The following CPS1 variants were observed in gnomAD, a reference collection of about 807,000 sequenced individuals.
The protein encoded by CPS1 is carbamoyl-phosphate synthase [ammonia], mitochondrial.
In CPS1, 109 loss-of-function variants were observed where a neutral mutation model predicts 174.6. The observed-to-expected ratio is 0.62, with a 90% CI of 0.53 to 0.73. The LOEUF is 0.73. CPS1 is among the 30% of genes least tolerant of loss of function. The probability of loss-of-function intolerance (pLI) is 0.00; values close to 1 mark genes in which losing one functional copy is unlikely to be tolerated. For missense variants in CPS1, 1,689 were observed against 1,821.9 expected, an observed-to-expected ratio of 0.93 and a Z score of 1.33; for synonymous variants, 637 against 632.0, an observed-to-expected ratio of 1.01 and a Z score of -0.12.
intron 7 of CPS1, among the ~76,000 whole-genome samples, chr2:210,588,729 T>A (rs1698190055): frequency 6.6e-6 from 1 of 152,120 alleles, no homozygotes; most frequent in Middle Eastern, 3.4e-3. Context: ...CTCCCCTCCA[T>A]ACACATACAC....
chr2:210,481,919 C>G (rs1694579661), intron 1 of CPS1, among the ~76,000 whole-genome samples: 1 of 152,224 alleles, frequency 6.6e-6, no homozygotes, highest in Non-Finnish European at 1.5e-5. Flanking sequence ...CTTGAACTGA[C>G]CATGCTACTG....
At chr2:210,605,056 C>T in intron 16 of CPS1, 46 bp from the exon 17 acceptor site, 1 of 1,608,536 alleles carries the variant, frequency 6.2e-7, no homozygotes. Flanking sequence ...TTGTTGAAGC[C>T]AGTGCTTTTT....
chr2:210,634,462 A>G (rs569145831), intron 21 of CPS1, among the ~76,000 whole-genome samples: 7 of 152,184 alleles, frequency 4.6e-5, no homozygotes, highest in African/African-American at 1.7e-4. Flanking sequence ...TCTACTTTCA[A>G]AATTAATTTC....
chr2:210,604,217 T>A (rs6721139), intron 16 of CPS1, among the ~76,000 whole-genome samples: 3,221 of 151,900 alleles, frequency 0.021, 100 homozygotes, highest in Middle Eastern at 0.068. Flanking sequence ...GACTGAAGTT[T>A]AAAAAAATCC....
intron 19 of CPS1, among the ~76,000 whole-genome samples, chr2:210,610,062 G>A (rs1052680196): frequency 6.6e-6 from 1 of 151,842 alleles, no homozygotes; most frequent in South Asian, 2.1e-4. Flanking sequence ...CATTATAGTT[G>A]TTTTAAATCT....
intron 33 of CPS1, among the ~76,000 whole-genome samples, chr2:210,663,399 G>C (rs1223909380): frequency 1.3e-5 from 2 of 152,056 alleles, no homozygotes; most frequent in Non-Finnish European, 2.9e-5. Flanking sequence ...TTTAACATGG[G>C]AATATAATAC....
chr2:210,637,648 G>T (rs541956658), intron 21 of CPS1, 54 bp from the exon 22 acceptor site: 9 of 1,594,660 alleles, frequency 5.6e-6, no homozygotes, highest in Non-Finnish European at 4.3e-6. Flanking sequence ...ACTTGTCACC[G>T]CTTTTTATTG....
At chr2:210,489,778 C>T (rs1694820987) in intron 1 of CPS1, among the ~76,000 whole-genome samples, 1 of 151,674 alleles carries the variant, frequency 6.6e-6, no homozygotes, top group African/African-American at 2.4e-5. Context: ...GCAGGCAGAT[C>T]ACGAGGTCAG....
chr2:210,607,745 G>T (rs1698968930), intron 18 of CPS1, among the ~76,000 whole-genome samples: 1 of 151,736 alleles, frequency 6.6e-6, no homozygotes, highest in Non-Finnish European at 1.5e-5. Flanking sequence ...TTGTACTAAA[G>T]AACTCATTTT....
intron 1 of CPS1, among the ~76,000 whole-genome samples, chr2:210,497,668 A>G (rs1289075453): frequency 2.0e-5 from 3 of 151,868 alleles, no homozygotes. Context: ...TCCTGCATTA[A>G]TTCGCTTAGG....
intron 21 of CPS1, chr2:210,617,639 T>TAAAC (rs1699356629): frequency 6.6e-6 from 1 of 152,046 alleles, no homozygotes; most frequent in Non-Finnish European, 1.5e-5. Context: ...ATTGCCCATG[T>TAAAC]CAAATGCTTG....
chr2:210,587,246 T>G (rs1698140364), intron 6 of CPS1, among the ~76,000 whole-genome samples: 1 of 152,088 alleles, frequency 6.6e-6, no homozygotes, highest in Admixed American at 6.6e-5. Flanking sequence ...GTTTGTACTT[T>G]TCATCTGAAA....
At chr2:210,581,550 TC>T (rs1697923761) in intron 5 of CPS1, among the ~76,000 whole-genome samples, 2 of 152,140 alleles carry the variant, frequency 1.3e-5, no homozygotes, top group Admixed American at 1.3e-4. Flanking sequence ...AAACCAATTT[TC>T]AAAATTAGGG....
At position 210,576,390 on chromosome 2, in the gene CPS1, T is replaced by G. The variant is rs1697713175; in HGVS notation, c.281T>G (p.Leu94Arg). The part of the protein sequence containing the change: ...ITDPAYKGQI[L>R]TMANPIIGNG... ...GACCCTGCCTACAAAGGACAGATTC[T>G]CACAATGGCCAACCCTATTATTGGG... The change falls in exon 3 of 38, where the codon CTC (leucine) becomes CGC (arginine). Residue 94 changes from leucine to arginine, a missense_variant. By Grantham distance (102) the Leu-to-Arg change is moderately radical. Coordinates refer to ENST00000233072, the MANE Select transcript of CPS1 (RefSeq NM_001875.5). 2 of 1,613,806 alleles carry G rather than the reference T, an allele frequency of 1.2e-6. No homozygotes were observed. Among genetic ancestry groups the G allele is most frequent in the Non-Finnish European group, 1.7e-6 (2 of 1,179,764 alleles).
intron 18 of CPS1, 88 bp downstream of exon 18, chr2:210,607,029 T>C (rs1283042129): frequency 8.5e-7 from 1 of 1,170,478 alleles, no homozygotes; most frequent in Non-Finnish European, 1.2e-6. Flanking sequence ...TGTACTGCAT[T>C]TACAAACTAT....
intron 21 of CPS1, among the ~76,000 whole-genome samples, chr2:210,630,418 C>T (rs1028538360): frequency 1.1e-4 from 17 of 152,096 alleles, no homozygotes; most frequent in African/African-American, 3.6e-4. Flanking sequence ...TTATTACTAG[C>T]CTTTAAGGTG....
At chr2:210,588,837 C>G (rs1447465765) in intron 7 of CPS1, among the ~76,000 whole-genome samples, 1 of 152,078 alleles carries the variant, frequency 6.6e-6, no homozygotes, top group Admixed American at 6.6e-5. Flanking sequence ...ATATTCAAAT[C>G]ATGATTTCAA....
At position 210,588,141 on chromosome 2, in the gene CPS1, A is replaced by G. The variant is rs1574558005; in HGVS notation, c.705A>G (p.Leu235=). Residue 235 remains leucine, a synonymous_variant, in exon 7 of 38, where the codon CTA becomes CTG. Coordinates refer to ENST00000233072, the MANE Select transcript of CPS1 (RefSeq NM_001875.5). Reference sequence around the variant, plus strand: ...TTAAAAACAATGTAATCCGCCTGCTAGTAAAGGTAAGTAATTTGTTCATTT... The same window carrying G: ...TTAAAAACAATGTAATCCGCCTGCTGGTAAAGGTAAGTAATTTGTTCATTT... ...CGIKNNVIRL[L]VKRGAEVHLV... 6.2e-7 allele frequency: 1 copy of G among 1,611,902 alleles called. No homozygotes were observed. The highest frequency in any genetic ancestry group is 8.5e-7 in the Non-Finnish European group (1 of 1,178,342).
chr2:210,525,450 T>G (rs1022352988), intron 1 of CPS1, among the ~76,000 whole-genome samples: 1 of 151,918 alleles, frequency 6.6e-6, no homozygotes, highest in Non-Finnish European at 1.5e-5. Flanking sequence ...ATTTATTCAT[T>G]CATTTAGCAC....
Sources: gnomAD v4.1 joint callset for allele counts (sites outside exome capture counted in the v4.1 genomes callset) on GRCh38, gnomAD v4.1.1 for gene constraint, MANE v1.5 for transcripts, NCBI Gene and HGNC (gene_info 2026-07-23, HGNC 2026-07-21) for gene names.